TDRD12: variants seen among roughly 807,000 people sequenced by gnomAD.
The protein encoded by TDRD12 is putative ATP-dependent RNA helicase TDRD12.
A neutral mutation model predicts 133.5 loss-of-function variants in TDRD12; 158 were observed. That is an observed-to-expected ratio of 1.18 (90% CI 1.04 to 1.35). TDRD12 has a LOEUF of 1.35. Among genes scored for constraint, TDRD12 ranks in the 40% most tolerant of loss-of-function variants. The pLI, the probability that TDRD12 is intolerant of heterozygous loss-of-function variation, is 0.00. For synonymous variants in TDRD12, 460 were observed against 477.9 expected (o/e 0.96, Z 0.49); for missense variants, 1,443 against 1,321.3 (o/e 1.09, Z -1.43).
chr19:32,829,368 T>C (rs1967685653), exon 10 of TDRD12: 2 of 152,216 alleles, frequency 1.3e-5, no homozygotes, highest in South Asian at 4.1e-4. Context: ...GAAGCTAACA[T>C]TTTGTAGGAT....
chr19:32,783,223 CT>C (rs1376729886), intron 11 of TDRD12, among the ~76,000 whole-genome samples: 1 of 152,160 alleles, frequency 6.6e-6, no homozygotes, highest in Non-Finnish European at 1.5e-5. Context: ...AATAGAGAAT[CT>C]TTTCCCCATT....
At chr19:32,732,005 G>T (rs986261582) in intron 2 of TDRD12, 122 bp downstream of exon 2, 42 of 1,020,350 alleles carry the variant, frequency 4.1e-5, no homozygotes, top group Non-Finnish European at 5.6e-5. Context: ...TCAGTGCCTT[G>T]TGTTAGGTTT....
chr19:32,791,510 T>G (rs921424985), intron 13 of TDRD12, among the ~76,000 whole-genome samples: 2 of 152,182 alleles, frequency 1.3e-5, no homozygotes, highest in African/African-American at 4.8e-5. Context: ...AAAAAAAATT[T>G]TTTTTAAGAT....
intron 27 of TDRD12, among the ~76,000 whole-genome samples, chr19:32,819,025 A>C (rs1265617456): frequency 6.6e-6 from 1 of 152,052 alleles, no homozygotes; most frequent in Admixed American, 6.6e-5. Context: ...GGAGGATTTA[A>C]AATAATGTGG....
At position 32,820,920 on chromosome 19, in the gene TDRD12, G is replaced by A. The variant is rs533078168; in HGVS notation, c.3384-113G>A. On this transcript the variant is annotated intron_variant, in intron 27 of 27. Transcript: ENST00000444215. ...ATCTTAAATGTCATAAGCTCTACGT[G>A]GGTCTGACTCCACGGCCACAGGCAC... is the stretch of plus-strand genomic sequence containing the variant. The A allele has an allele frequency of 3.1e-5, 23 of 735,852 alleles. No homozygotes were observed. In the African/African-American group the frequency reaches 3.7e-4, roughly 12 times the overall value. 45.6% of individuals were successfully genotyped at this position (735,852 alleles called of 1,614,324 possible). A position where few individuals can be genotyped will look rare whatever the true frequency, so the allele number is the denominator to read the frequency against.
chr19:32,806,410 T>C (rs1374510648), intron 21 of TDRD12, among the ~76,000 whole-genome samples: 2 of 148,804 alleles, frequency 1.3e-5, no homozygotes, highest in African/African-American at 5.0e-5. Context: ...TGGCGTGATC[T>C]CAGCTCACTG....
chr19:32,794,060 C>T (rs1186212386), intron 13 of TDRD12, among the ~76,000 whole-genome samples: 3 of 136,438 alleles, frequency 2.2e-5, no homozygotes, highest in African/African-American at 8.3e-5. Context: ...TCCTAAAGTG[C>T]AGGGATTACA....
Position 32,783,715 on chromosome 19 carries a change from T to C in TDRD12, c.1121+6486T>C, listed in dbSNP as rs969009497. On this transcript the variant is annotated intron_variant, in intron 11 of 27. Transcript: ENST00000444215. ...AGTTGTATTCCTAGGTATTTTATTC[T>C]CTTAGTAGCAATTGTGAATGGGAGT... Among the ~76,000 whole-genome samples the C allele has an allele frequency of 2.6e-5, 4 of 152,170 alleles. No homozygotes were observed. In the South Asian group the frequency reaches 6.2e-4, roughly 24 times the overall value.
intron 3 of TDRD12, among the ~76,000 whole-genome samples, chr19:32,740,777 T>C (rs528597493): frequency 7.9e-5 from 12 of 152,278 alleles, no homozygotes; most frequent in Admixed American, 7.2e-4. Context: ...CTTGTACTCA[T>C]GTAGGTATCC....
intron 8 of TDRD12, among the ~76,000 whole-genome samples, chr19:32,762,600 A>G (rs1213537180): frequency 1.3e-5 from 2 of 152,148 alleles, no homozygotes; most frequent in South Asian, 2.1e-4. Flanking sequence ...ACCAGGTAAA[A>G]CTGGTGTTGG....
intron 24 of TDRD12, among the ~76,000 whole-genome samples, chr19:32,812,929 T>C (rs1967056306): frequency 6.6e-6 from 1 of 152,050 alleles, no homozygotes; most frequent in African/African-American, 2.4e-5. Flanking sequence ...TCCAGTGCTT[T>C]GGGAGCCCAA....
chr19:32,812,538 G>A (rs770697693), intron 24 of TDRD12, among the ~76,000 whole-genome samples: 4 of 152,186 alleles, frequency 2.6e-5, no homozygotes, highest in Non-Finnish European at 5.9e-5. Flanking sequence ...AGTAAAAGGA[G>A]CCTTTATCAC....
chr19:32,724,521 A>G (rs1968797019), intron 1 of TDRD12, among the ~76,000 whole-genome samples: 4 of 152,166 alleles, frequency 2.6e-5, no homozygotes, highest in African/African-American at 9.7e-5. Flanking sequence ...AATGGCTTCC[A>G]GCTTCATCCA....
chr19:32,807,552 CA>C lies in TDRD12; in HGVS notation c.2560del (p.Arg854GlyfsTer32). On this transcript the variant is annotated frameshift_variant, in exon 22 of 28. Coordinates refer to ENST00000444215, the Ensembl canonical transcript of TDRD12. LOFTEE classifies it high-confidence loss of function. ...AGTCTAGTCATTTCATTTTCAGAGACAAAAGGATCTGTCCTGACCGACACCG... is the reference window on the plus strand; with the variant it reads ...AGTCTAGTCATTTCATTTTCAGAGACAAAGGATCTGTCCTGACCGACACCG... 6.6e-7 allele frequency: 1 copy of C among 1,515,518 alleles called. No homozygotes were observed. The highest frequency in any genetic ancestry group is 8.8e-7 in the Non-Finnish European group (1 of 1,141,276). 93.9% of individuals were successfully genotyped at this position (1,515,518 alleles called of 1,614,324 possible). A position where few individuals can be genotyped will look rare whatever the true frequency, so the allele number is the denominator to read the frequency against.
chr19:32,785,815 A>G (rs748505623), intron 11 of TDRD12, among the ~76,000 whole-genome samples: 2 of 151,436 alleles, frequency 1.3e-5, no homozygotes, highest in African/African-American at 2.4e-5. Flanking sequence ...TTTTGGGCCT[A>G]TGTGTGTCTT....
chr19:32,720,864 T>A (rs1004929488), intron 1 of TDRD12, among the ~76,000 whole-genome samples: 3 of 108,486 alleles, frequency 2.8e-5, no homozygotes, highest in African/African-American at 1.1e-4. Flanking sequence ...GGCTGGGAGC[T>A]GGGGTAGAAC....
chr19:32,746,891 A>T (rs1167098680), intron 4 of TDRD12, among the ~76,000 whole-genome samples: 79 of 114,060 alleles, frequency 6.9e-4, no homozygotes, highest in Middle Eastern at 6.8e-3. Context: ...TGTGTGTGTG[A>T]GAGAGAGAGA....
At chr19:32,747,241 TCTA>T (rs1443835202) in intron 4 of TDRD12, among the ~76,000 whole-genome samples, 2 of 152,232 alleles carry the variant, frequency 1.3e-5, no homozygotes, top group Non-Finnish European at 2.9e-5. Context: ...TTATTAGTAA[TCTA>T]CTACATTTTT....
chr19:32,815,494 A>G, exon 26 of TDRD12: 2 of 1,536,556 alleles, frequency 1.3e-6, no homozygotes, highest in Non-Finnish European at 1.7e-6. Flanking sequence ...GTCATTGATT[A>G]TAATGTTCGA....
Sources: gnomAD v4.1 joint callset for allele counts (sites outside exome capture counted in the v4.1 genomes callset) on GRCh38, gnomAD v4.1.1 for gene constraint, MANE v1.5 for transcripts, NCBI Gene and HGNC (gene_info 2026-07-23, HGNC 2026-07-21) for gene names.